The following NXPH1 variants were observed in gnomAD, a reference collection of about 807,000 sequenced individuals.
The protein encoded by NXPH1 is neurexophilin 1.
NXPH1 carries 5 observed loss-of-function variants against 23.7 expected under a neutral mutation model. The ratio of observed to expected loss-of-function variants is 0.21; its 90% CI spans 0.11 to 0.44. The LOEUF is 0.44. Ranked by LOEUF, NXPH1 falls within the 20% of genes least tolerant of loss-of-function variation. The pLI is 0.99. For missense variants in NXPH1, 324 were observed against 321.6 expected (o/e 1.01, Z -0.06); for synonymous variants, 144 against 122.2 (o/e 1.18, Z -1.18).
chr7:8,530,117 G>C (rs963397388), intron 2 of NXPH1, among the ~76,000 whole-genome samples: 14 of 152,116 alleles, frequency 9.2e-5, no homozygotes, highest in Admixed American at 3.3e-4. Context: ...CTTACCACGG[G>C]ATGTAGAGAA....
rs555180577 is a variant in NXPH1, at chr7:8,507,361, A to G, written c.54+71594A>G. Among the ~76,000 whole-genome samples, 20 of 151,848 alleles carry G rather than the reference A, an allele frequency of 1.3e-4. No individual in the cohort carries two copies. The South Asian group carries it at 3.7e-3, about 28-fold the overall frequency. On this transcript the variant is annotated intron_variant, in intron 2 of 2. Coordinates refer to ENST00000405863, the MANE Select transcript of NXPH1 (RefSeq NM_152745.3). ...AGCATTTACACCAGTGTTTGACATA[A>G]CCAGGGATAGCCACTATGATGATGG...
chr7:8,740,603 A>G (rs1780344882), intron 2 of NXPH1, among the ~76,000 whole-genome samples: 1 of 152,198 alleles, frequency 6.6e-6, no homozygotes, highest in African/African-American at 2.4e-5. Flanking sequence ...AGAGAGAGCC[A>G]TGAAGCTCCT....
chr7:8,614,160 A>G (rs996244609), intron 2 of NXPH1, among the ~76,000 whole-genome samples: 3 of 151,918 alleles, frequency 2.0e-5, no homozygotes, highest in African/African-American at 7.2e-5. Flanking sequence ...GCCATAATTT[A>G]TTGACTCGTC....
At chr7:8,638,960 C>T (rs540827893) in intron 2 of NXPH1, among the ~76,000 whole-genome samples, 59 of 152,176 alleles carry the variant, frequency 3.9e-4, no homozygotes, top group Non-Finnish European at 5.9e-4. Flanking sequence ...CTCCAACCCT[C>T]AGTTTCCTCA....
intron 2 of NXPH1, among the ~76,000 whole-genome samples, chr7:8,732,043 G>T (rs1583251282): frequency 6.6e-6 from 1 of 152,216 alleles, no homozygotes; most frequent in Admixed American, 6.5e-5. Flanking sequence ...TAATCTCCTG[G>T]TGCGCCATTT....
chr7:8,661,352 A>C (rs1286346312), intron 2 of NXPH1, among the ~76,000 whole-genome samples: 1 of 152,186 alleles, frequency 6.6e-6, no homozygotes, highest in Non-Finnish European at 1.5e-5. Context: ...TTCTTAAATG[A>C]CAATTTGGCT....
At chr7:8,582,774 G>C (rs930933605) in intron 2 of NXPH1, among the ~76,000 whole-genome samples, 1 of 152,170 alleles carries the variant, frequency 6.6e-6, no homozygotes, top group Non-Finnish European at 1.5e-5. Flanking sequence ...ACTCCACCTG[G>C]AACTGACAGT....
At chr7:8,462,947 ACAGACT>A (rs1195585475) in intron 2 of NXPH1, among the ~76,000 whole-genome samples, 36 of 152,210 alleles carry the variant, frequency 2.4e-4, no homozygotes, top group Non-Finnish European at 2.9e-5. Context: ...AAGAGACATT[ACAGACT>A]ACCATGTTGC....
intron 2 of NXPH1, among the ~76,000 whole-genome samples, chr7:8,457,017 C>T (rs956844792): frequency 6.6e-6 from 1 of 152,136 alleles, no homozygotes; most frequent in Admixed American, 6.5e-5. Context: ...GGACAAAGAA[C>T]CCCTAATGTC....
intron 2 of NXPH1, among the ~76,000 whole-genome samples, chr7:8,452,062 T>C (rs887299013): frequency 6.6e-6 from 1 of 152,172 alleles, no homozygotes. Flanking sequence ...GATTAGCCAC[T>C]CAGATGTCCC....
Position 8,667,001 on chromosome 7 carries a change from G to T in NXPH1, c.55-84007G>T, listed in dbSNP as rs1820782144. ...GTTTTTGCTCTGTAACTAACATGAG[G>T]CTTGCTTAGAACATCTTATAGTTAT... On this transcript the variant is annotated intron_variant, in intron 2 of 2. Coordinates refer to ENST00000405863, the MANE Select transcript of NXPH1 (RefSeq NM_152745.3). Among the ~76,000 whole-genome samples, 6 of 151,960 alleles carry T rather than the reference G, an allele frequency of 3.9e-5. No individual in the cohort carries two copies. The South Asian group carries it at 1.2e-3, about 32-fold the overall frequency.
chr7:8,503,367 C>T (rs1817468966), intron 2 of NXPH1, among the ~76,000 whole-genome samples: 1 of 151,956 alleles, frequency 6.6e-6, no homozygotes, highest in South Asian at 2.1e-4. Flanking sequence ...AATTCCTCCC[C>T]TGTGCGGCCT....
intron 2 of NXPH1, among the ~76,000 whole-genome samples, chr7:8,451,928 C>T (rs1331959332): frequency 1.3e-5 from 2 of 152,164 alleles, no homozygotes; most frequent in African/African-American, 4.8e-5. Flanking sequence ...GCATAGGGTT[C>T]ACCATGGTAT....
chr7:8,613,757 C>G (rs1437616084), intron 2 of NXPH1, among the ~76,000 whole-genome samples: 1 of 151,566 alleles, frequency 6.6e-6, no homozygotes, highest in Non-Finnish European at 1.5e-5. Flanking sequence ...TTTAAGGTAA[C>G]TGGCTATAGG....
At chr7:8,574,405 T>C (rs1429479104) in intron 2 of NXPH1, among the ~76,000 whole-genome samples, 1 of 152,052 alleles carries the variant, frequency 6.6e-6, no homozygotes, top group Non-Finnish European at 1.5e-5. Flanking sequence ...GAACTGACTT[T>C]ATTTTATTTT....
intron 2 of NXPH1, among the ~76,000 whole-genome samples, chr7:8,607,895 C>G (rs1001237300): frequency 6.6e-6 from 1 of 152,196 alleles, no homozygotes; most frequent in Non-Finnish European, 1.5e-5. Context: ...ATGACTGGTG[C>G]CCTCGTGAGG....
intron 2 of NXPH1, among the ~76,000 whole-genome samples, chr7:8,681,422 T>C (rs918766329): frequency 4.6e-5 from 7 of 152,216 alleles, no homozygotes; most frequent in African/African-American, 1.7e-4. Context: ...ACCTTGTGTT[T>C]ATTATAATAT....
At chr7:8,503,992 A>G (rs1817481688) in intron 2 of NXPH1, among the ~76,000 whole-genome samples, 1 of 151,966 alleles carries the variant, frequency 6.6e-6, no homozygotes, top group East Asian at 2.0e-4. Context: ...CCTGTCTTCT[A>G]CTAGTGCCTA....
intron 2 of NXPH1, among the ~76,000 whole-genome samples, chr7:8,706,855 A>T (rs1189912586): frequency 6.6e-6 from 1 of 152,126 alleles, no homozygotes; most frequent in African/African-American, 2.4e-5. Context: ...ACTGTATTAG[A>T]CAGATTTGTT....
Sources: gnomAD v4.1 joint callset for allele counts (sites outside exome capture counted in the v4.1 genomes callset) on GRCh38, gnomAD v4.1.1 for gene constraint, MANE v1.5 for transcripts, NCBI Gene and HGNC (gene_info 2026-07-23, HGNC 2026-07-21) for gene names.